UBA2: variants seen among roughly 807,000 people sequenced by gnomAD.
UBA2 encodes ubiquitin like modifier activating enzyme 2, also known as SUMO-activating enzyme subunit 2.
UBA2 carries 11 observed loss-of-function variants against 77.2 expected under a neutral mutation model. The ratio of observed to expected loss-of-function variants is 0.14; its 90% confidence interval spans 0.09 to 0.24. The LOEUF (loss-of-function observed/expected upper bound fraction) is 0.24. UBA2 is among the 10% of genes least tolerant of loss of function. The pLI, the probability that UBA2 is intolerant of heterozygous loss-of-function variation, is 1.00. For missense variants in UBA2, 487 were observed against 781.7 expected (o/e 0.62, Z 4.50); for synonymous variants, 278 against 276.7 (o/e 1.00, Z -0.05).
At chr19:34,450,447 A>T (rs1464481923) in intron 9 of UBA2, 83 bp downstream of exon 9, 10 of 885,540 alleles carry the variant, frequency 1.1e-5, no homozygotes, top group Non-Finnish European at 1.5e-5. Flanking sequence ...TTGTTGCTTG[A>T]AAATGATATG....
At chr19:34,438,864 TTAAA>T (rs1184375465) in intron 6 of UBA2, 98 bp downstream of exon 6, 7 of 1,461,848 alleles carry the variant, frequency 4.8e-6, no homozygotes, top group Non-Finnish European at 6.5e-6. Flanking sequence ...CTCAGGATGT[TTAAA>T]TATGGTGAAG....
Position 34,444,017 on chromosome 19 carries a change from T to C in UBA2, c.649+106T>C, listed in dbSNP as rs1274636131. On this transcript the variant is annotated intron_variant, in intron 7 of 16. Transcript: ENST00000246548. ...AAAAATTGCTATATGTGCTAGGTAA[T>C]GTGTGTTTAACATGTGTTTTTTTTT... 5.0e-6 allele frequency: 3 copies of C among 605,680 alleles called. No individual in the cohort carries two copies. In the Admixed American group the frequency reaches 7.9e-5, roughly 16 times the overall value. The allele number at this position is 605,680 out of a possible 1,614,324, so 37.5% of individuals were successfully genotyped here. A position where few individuals can be genotyped will look rare whatever the true frequency, so the allele number is the denominator to read the frequency against.
In UBA2 at chr19:34,469,016, T is replaced by A. The variant is rs557732544; in HGVS notation, c.1742-24T>A. The A allele has an allele frequency of 7.0e-6, 11 of 1,577,950 alleles. No individual in the cohort carries two copies. The African/African-American group carries it at 1.4e-4, about 20-fold the overall frequency. Reference sequence around the variant, plus strand: ...AACTCCCACGCTTTTACCCATTTTCTTTTTCCCTTTTTTCTGAAATAAGCT... The same window carrying A: ...AACTCCCACGCTTTTACCCATTTTCATTTTCCCTTTTTTCTGAAATAAGCT... On this transcript the variant is annotated intron_variant, in intron 16 of 16. Coordinates refer to ENST00000246548, the MANE Select transcript of UBA2 (RefSeq NM_005499.3).
intron 9 of UBA2, 56 bp downstream of exon 9, chr19:34,450,420 G>T (rs1032187545): frequency 1.6e-6 from 2 of 1,241,794 alleles, no homozygotes; most frequent in African/African-American, 3.1e-5. Context: ...CTCGCGTAAA[G>T]TCTTTGTATA....
chr19:34,455,380 TG>T (rs2075546647), intron 12 of UBA2, among the ~76,000 whole-genome samples: 1 of 152,092 alleles, frequency 6.6e-6, no homozygotes, highest in Non-Finnish European at 1.5e-5. Context: ...CCTACCTTAG[TG>T]GTGGGTGGGG....
chr19:34,430,728 G>T, intron 2 of UBA2, 69 bp downstream of exon 2: 1 of 1,273,880 alleles, frequency 7.9e-7, no homozygotes, highest in Non-Finnish European at 1.1e-6. Flanking sequence ...GATTAATCCT[G>T]CCTGTCATAT....
chr19:34,461,052 C>T (rs879621857), intron 14 of UBA2, among the ~76,000 whole-genome samples: 1 of 152,200 alleles, frequency 6.6e-6, no homozygotes, highest in Non-Finnish European at 1.5e-5. Context: ...ATACAAGGTA[C>T]AATACATTTG....
At position 34,461,880 on chromosome 19, in the gene UBA2, G is replaced by T. The variant is rs73030348; in HGVS notation, c.1498+1314G>T. ...TATTCAGCTTTGTGAAACGGAGGGG[G>T]AGTAATAGGAGAGGGAGTACTCTTG... On this transcript the variant is annotated intron_variant, in intron 14 of 16. Transcript: ENST00000246548. Among the ~76,000 whole-genome samples, 1,168 of 152,328 alleles carry T rather than the reference G, an allele frequency of 7.7e-3. 10 individuals are homozygous for T. Among genetic ancestry groups the T allele is most frequent in the Middle Eastern group, 0.02 (6 of 294 alleles).
At chr19:34,463,227 C>A (rs1039638962) in intron 14 of UBA2, among the ~76,000 whole-genome samples, 5 of 152,028 alleles carry the variant, frequency 3.3e-5, no homozygotes, top group African/African-American at 4.8e-5. Flanking sequence ...CACGGTGAGA[C>A]CCTGTCTTTA....
chr19:34,445,435 C>CTTTTTTT (rs67809236), intron 8 of UBA2, among the ~76,000 whole-genome samples: 1 of 73,110 alleles, frequency 1.4e-5, no homozygotes, highest in African/African-American at 5.1e-5. Context: ...CTCATCTTCA[C>CTTTTTTT]TTTTTTTTTT....
At chr19:34,430,163 C>G (rs938280986) in intron 1 of UBA2, 1 of 154,656 alleles carries the variant, frequency 6.5e-6, no homozygotes, top group Non-Finnish European at 1.4e-5. Flanking sequence ...CTCACTTTGT[C>G]CTCCCAAAGT....
rs567746732 is a variant in UBA2 at position 34,441,252 on chromosome 19, G to A, written c.581+2486G>A. ...GAGCGGATCACGAGGTCAGGAGATCGAGACCATCCTGGCTAACACGGTGAA... is the reference window on the plus strand; with the variant it reads ...GAGCGGATCACGAGGTCAGGAGATCAAGACCATCCTGGCTAACACGGTGAA... On this transcript the variant is annotated intron_variant, in intron 6 of 16. Coordinates refer to ENST00000246548, the MANE Select transcript of UBA2 (RefSeq NM_005499.3). 2.3e-4 allele frequency among the ~76,000 whole-genome samples: 35 copies of A among 152,060 alleles called. 2 individuals carry two copies. Among genetic ancestry groups the A allele is most frequent in the South Asian group, 1.9e-3 (9 of 4,814 alleles).
chr19:34,455,169 A>T (rs1224821219), intron 12 of UBA2, among the ~76,000 whole-genome samples: 1 of 152,200 alleles, frequency 6.6e-6, no homozygotes, highest in Non-Finnish European at 1.5e-5. Context: ...ATACAGGACC[A>T]CTTTTAAATT....
intron 6 of UBA2, among the ~76,000 whole-genome samples, chr19:34,442,706 C>T (rs1441901563): frequency 3.3e-5 from 5 of 152,310 alleles, no homozygotes; most frequent in Non-Finnish European, 1.5e-5. Flanking sequence ...GTTGGGATTA[C>T]ACATGTGAGC....
intron 8 of UBA2, among the ~76,000 whole-genome samples, chr19:34,445,502 C>A (rs543657167): frequency 6.8e-6 from 1 of 147,606 alleles, no homozygotes; most frequent in African/African-American, 2.5e-5. Context: ...TGCAGTGGCA[C>A]GATCTCGGCT....
rs1404973697 is a variant in UBA2, at chr19:34,456,086, CT to C, written c.1245+1537del. 3.7e-5 allele frequency among the ~76,000 whole-genome samples: 4 copies of C among 108,902 alleles called. No individual in the cohort carries two copies. In the South Asian group the frequency reaches 8.7e-4, roughly 24 times the overall value. The allele number at this position is 108,902 out of a possible 152,430, so 71.4% of individuals were successfully genotyped here. ...GCCACTGCACTTGGCCCGATGCGCT[CT>C]TTTTTTCCTTTTCTTTTTCTTTTTT... On this transcript the variant is annotated intron_variant, in intron 12 of 16. Coordinates refer to ENST00000246548, the MANE Select transcript of UBA2 (RefSeq NM_005499.3).
At chr19:34,431,244 CTTT>C (rs1184297228) in intron 2 of UBA2, among the ~76,000 whole-genome samples, 1,407 of 69,326 alleles carry the variant, frequency 0.02, 12 homozygotes, top group South Asian at 0.038. Flanking sequence ...ATTTTCTTTT[CTTT>C]TTTTTTTTTT....
chr19:34,432,932 T>C (rs2075271436), intron 3 of UBA2, among the ~76,000 whole-genome samples: 1 of 152,178 alleles, frequency 6.6e-6, no homozygotes, highest in Admixed American at 6.6e-5. Context: ...CCTGTGTTGC[T>C]TTCCCAGTGC....
At chr19:34,447,266 C>T (rs2075442416) in intron 8 of UBA2, among the ~76,000 whole-genome samples, 1 of 152,108 alleles carries the variant, frequency 6.6e-6, no homozygotes, top group Non-Finnish European at 1.5e-5. Context: ...TTAGATGGTG[C>T]CCACCCAGAT....
Sources: gnomAD v4.1 joint callset for allele counts (sites outside exome capture counted in the v4.1 genomes callset) on GRCh38, gnomAD v4.1.1 for gene constraint, MANE v1.5 for transcripts, NCBI Gene and HGNC (gene_info 2026-07-23, HGNC 2026-07-21) for gene names.